The following FRMD4B variants were observed in gnomAD, a reference collection of about 807,000 sequenced individuals.
FRMD4B encodes FERM domain-containing protein 4B.
Under a neutral mutation model 141.5 loss-of-function variants are expected in FRMD4B, and 74 were observed. The observed-to-expected ratio is 0.52, with a 90% CI of 0.43 to 0.63. FRMD4B has a LOEUF of 0.63. FRMD4B is among the 30% of genes least tolerant of loss of function. The pLI is 0.00. For synonymous variants in FRMD4B, 506 were observed against 467.9 expected (o/e 1.08, Z -1.05); for missense variants, 1,366 against 1,253.4 (o/e 1.09, Z -1.36).
chr3:69,314,728 T>A (rs1701747787), intron 1 of FRMD4B, among the ~76,000 whole-genome samples: 1 of 152,020 alleles, frequency 6.6e-6, no homozygotes, highest in Admixed American at 6.5e-5. Flanking sequence ...CCAGCTACTC[T>A]GGAGGCTGAG....
chr3:69,261,757 C>T (rs147844529), intron 5 of FRMD4B, among the ~76,000 whole-genome samples: 1,917 of 152,274 alleles, frequency 0.013, 26 homozygotes, highest in Non-Finnish European at 0.019. Context: ...ACCACAACCT[C>T]CACCTCCCGG....
intron 9 of FRMD4B, among the ~76,000 whole-genome samples, chr3:69,219,862 A>G (rs1204707837): frequency 6.6e-6 from 1 of 152,158 alleles, no homozygotes; most frequent in African/African-American, 2.4e-5. Flanking sequence ...GATAAGTGAG[A>G]ACAAGTGGTA....
At chr3:69,444,702 G>C (rs940826554) in intron 1 of FRMD4B, among the ~76,000 whole-genome samples, 16 of 152,134 alleles carry the variant, frequency 1.1e-4, no homozygotes, top group Non-Finnish European at 1.5e-4. Flanking sequence ...ACTCAAACAG[G>C]ATTTTCACAA....
intron 11 of FRMD4B, among the ~76,000 whole-genome samples, chr3:69,209,119 G>C (rs1327619508): frequency 1.3e-5 from 2 of 151,388 alleles, no homozygotes; most frequent in Admixed American, 6.6e-5. Flanking sequence ...ACTCCAGCCT[G>C]GGCAACAGAG....
intron 5 of FRMD4B, among the ~76,000 whole-genome samples, chr3:69,284,392 G>C (rs781121865): frequency 6.6e-6 from 1 of 152,114 alleles, no homozygotes; most frequent in Non-Finnish European, 1.5e-5. Context: ...GCTGGAGGTG[G>C]TGCCTATTCC....
At position 69,299,028 on chromosome 3, in the gene FRMD4B, G is replaced by A. The variant is rs866270359; in HGVS notation, c.416+3315C>T. ...TATTTATCAGATGAATGGACAAACT[G>A]TTATTATATAATGAATGCATTTGTT... On this transcript the variant is annotated intron_variant, in intron 4 of 22. Transcript: ENST00000398540. Among the ~76,000 whole-genome samples the A allele has an allele frequency of 7.9e-5, 12 of 151,938 alleles. No individual in the cohort carries two copies. In the South Asian group the frequency reaches 1.2e-3, roughly 16 times the overall value.
chr3:69,310,242 C>A (rs1008158524), intron 3 of FRMD4B, among the ~76,000 whole-genome samples: 7 of 152,110 alleles, frequency 4.6e-5, no homozygotes, highest in African/African-American at 1.7e-4. Flanking sequence ...AGGCTCACAG[C>A]CCACCCAGGC....
intron 1 of FRMD4B, among the ~76,000 whole-genome samples, chr3:69,465,232 A>C (rs1294111583): frequency 6.6e-6 from 1 of 151,522 alleles, no homozygotes; most frequent in Non-Finnish European, 1.5e-5. Context: ...AGGCAGGAGA[A>C]TGGCATGAAC....
intron 5 of FRMD4B, among the ~76,000 whole-genome samples, chr3:69,272,003 T>C (rs774783065): frequency 1.3e-5 from 2 of 152,002 alleles, no homozygotes; most frequent in Non-Finnish European, 2.9e-5. Context: ...ATAAAATAAA[T>C]AAAATATAGT....
intron 3 of FRMD4B, among the ~76,000 whole-genome samples, chr3:69,306,115 CTCA>C (rs899092941): frequency 2.0e-5 from 3 of 152,152 alleles, no homozygotes; most frequent in African/African-American, 7.2e-5. Context: ...CACCCACAAT[CTCA>C]TCAATAGGAA....
intron 1 of FRMD4B, among the ~76,000 whole-genome samples, chr3:69,456,760 TGTACATTATTAGTGCTTTCCTCTA>T (rs1705622316): frequency 2.6e-5 from 4 of 151,708 alleles, no homozygotes. Context: ...AGCATATGTC[TGTACATTATTAGTGCTTTCCTCTA>T]GATGGGGTCA....
rs1345170188 is a variant in FRMD4B at position 69,187,846 on chromosome 3, T to TG, written c.1842dup (p.Lys615GlnfsTer6). On this transcript the variant is annotated frameshift_variant, in exon 19 of 23. Coordinates refer to ENST00000398540, the MANE Select transcript of FRMD4B (RefSeq NM_015123.3). LOFTEE classifies it high-confidence loss of function. ...TGGATTCGCTCAATACCAAGAGACT[T>TG]GGGGGGAAGAATTCTTGGAGAATGA... The TG allele has an allele frequency of 3.1e-6, 5 of 1,611,204 alleles. No homozygotes were observed. The highest frequency in any genetic ancestry group is 4.2e-6 in the Non-Finnish European group (5 of 1,178,062).
At chr3:69,267,067 G>A (rs2093565763) in intron 5 of FRMD4B, among the ~76,000 whole-genome samples, 1 of 152,150 alleles carries the variant, frequency 6.6e-6, no homozygotes, top group South Asian at 2.1e-4. Context: ...AGAATACAGA[G>A]CCCCAGGCTC....
intron 9 of FRMD4B, 50 bp from the exon 10 acceptor site, chr3:69,218,429 C>A (rs932724368): frequency 4.0e-6 from 3 of 747,412 alleles, no homozygotes; most frequent in Non-Finnish European, 4.5e-6. Flanking sequence ...GTTAGAGGAC[C>A]CTTTTGGGAA....
At chr3:69,476,200 T>C (rs1304512208) in intron 1 of FRMD4B, among the ~76,000 whole-genome samples, 7 of 151,706 alleles carry the variant, frequency 4.6e-5, no homozygotes, top group African/African-American at 7.3e-5. Flanking sequence ...AGAAGCTCTT[T>C]AGTTTAATTA....
intron 1 of FRMD4B, among the ~76,000 whole-genome samples, chr3:69,539,592 T>C (rs916210063): frequency 6.6e-6 from 1 of 152,236 alleles, no homozygotes; most frequent in East Asian, 1.9e-4. Context: ...AACTTTCCCA[T>C]GGATAATGAA....
intron 11 of FRMD4B, among the ~76,000 whole-genome samples, chr3:69,215,965 C>A (rs1206787934): frequency 6.6e-6 from 1 of 152,020 alleles, no homozygotes; most frequent in Non-Finnish European, 1.5e-5. Context: ...ACCAGCCTGG[C>A]CAACATGGCA....
chr3:69,329,057 C>A lies in FRMD4B; in HGVS notation c.163-15540G>T, dbSNP rs115487724. 3.4e-3 allele frequency among the ~76,000 whole-genome samples: 513 copies of A among 152,268 alleles called. 5 individuals are homozygous for A. The highest frequency in any genetic ancestry group is 0.012 in the African/African-American group (488 of 41,544). On this transcript the variant is annotated intron_variant, in intron 1 of 22. Transcript: ENST00000398540. The stretch of plus-strand genomic sequence containing the variant: ...ATCTAAGAACTCTTGGGCTCTGGAT[C>A]AGGACCACTTTCCAGTAACAGCTGA...
chr3:69,402,695 C>A (rs1450705989), intron 2 of FRMD4B, among the ~76,000 whole-genome samples: 3 of 152,060 alleles, frequency 2.0e-5, no homozygotes, highest in African/African-American at 7.2e-5. Flanking sequence ...CTCTAGATCT[C>A]GTGGATACCA....
Sources: allele counts gnomAD v4.1 joint callset (sites outside exome capture counted in the v4.1 genomes callset), GRCh38; gene constraint gnomAD v4.1.1; transcripts MANE v1.5; gene names NCBI Gene and HGNC (gene_info 2026-07-23, HGNC 2026-07-21).